The following ASIC4 variants were observed in gnomAD, a reference collection of about 807,000 sequenced individuals.
The protein encoded by ASIC4 is acid-sensing ion channel 4.
ASIC4 carries 28 observed loss-of-function variants against 53.4 expected under a neutral mutation model. That is an observed-to-expected ratio of 0.52 (90% CI 0.39 to 0.72). ASIC4 has a LOEUF of 0.72. Among genes scored for constraint, ASIC4 ranks in the 30% least tolerant of loss-of-function variants. ASIC4 has a pLI of 0.00. For synonymous variants in ASIC4, 289 were observed against 301.4 expected, an observed-to-expected ratio of 0.96 and a Z score of 0.43; for missense variants, 649 against 729.7, an observed-to-expected ratio of 0.89 and a Z score of 1.27.
At chr2:219,509,196 A>T (rs988638566), upstream of ASIC4, among the ~76,000 whole-genome samples, 1 of 152,024 alleles carries the variant, frequency 6.6e-6, no homozygotes, top group East Asian at 1.9e-4. This position sits in a 1 kb window ranked among gnomAD's most constrained non-coding sequence, Gnocchi z 5.2. Context: ...CTTAGCAGCC[A>T]TTATCGGGGG....
At chr2:219,531,577 G>T (rs1256839550) in intron 1 of ASIC4, among the ~76,000 whole-genome samples, 181 bp from the exon 2 acceptor site, 1 of 152,224 alleles carries the variant, frequency 6.6e-6, no homozygotes. Flanking sequence ...AATCATCTAA[G>T]GGAGGCCATC....
upstream of ASIC4, among the ~76,000 whole-genome samples, chr2:219,511,399 C>G (rs930209170): frequency 2.0e-5 from 3 of 151,190 alleles, no homozygotes; most frequent in Non-Finnish European, 3.0e-5. The surrounding 1 kb of genome is among the most constrained non-coding windows in gnomAD (Gnocchi z 5.3). Flanking sequence ...ACTGCCCCCC[C>G]CCCACATTCT....
At chr2:219,513,186 C>T (rs539860371), upstream of ASIC4, among the ~76,000 whole-genome samples, 118 of 152,258 alleles carry the variant, frequency 7.7e-4, no homozygotes, top group Non-Finnish European at 1.1e-3. Flanking sequence ...TCCCCCCGCC[C>T]GTCCACGCTT....
rs1470298845 is a variant in ASIC4, at chr2:219,532,733, C to T, written c.1019-150C>T. 12 of 874,274 alleles carry T rather than the reference C, an allele frequency of 1.4e-5. No homozygotes were observed. In the East Asian group the frequency reaches 1.5e-4, roughly 11 times the overall value. The allele number at this position is 874,274 out of a possible 1,614,324, so 54.2% of individuals were successfully genotyped here. A position where few individuals can be genotyped will look rare whatever the true frequency, so the allele number is the denominator to read the frequency against. Reference sequence around the variant, plus strand: ...GCATGCTCATTTATATCCGTGGTTGCGTATTTGTGGGGGTTGTGTGTGTGG... The same window carrying T: ...GCATGCTCATTTATATCCGTGGTTGTGTATTTGTGGGGGTTGTGTGTGTGG... On this transcript the variant is annotated intron_variant, in intron 4 of 9. Transcript: ENST00000358078.
Position 219,514,836 on chromosome 2 carries a change from GC to G in ASIC4, c.118del (p.Arg40GlufsTer54). The G allele has an allele frequency of 6.2e-7, 1 of 1,613,210 alleles. No homozygotes were observed. The highest frequency in any genetic ancestry group is 8.5e-7 in the Non-Finnish European group (1 of 1,179,932). On this transcript the variant is annotated frameshift_variant, in exon 1 of 10. Transcript: ENST00000358078. LOFTEE classifies it high-confidence loss of function. ...CCTCGGGGCTGTTGCCCCTGGAGCAGCCCCCCGAGACCTGGCCACCTTTGCC... is the reference window on the plus strand; with the variant it reads ...CCTCGGGGCTGTTGCCCCTGGAGCAGCCCCCGAGACCTGGCCACCTTTGCC... ...SLLGAVAPGA[A>X]PRDLATFAST...
At chr2:219,522,690 A>T (rs1279375656) in intron 1 of ASIC4, among the ~76,000 whole-genome samples, 2 of 151,962 alleles carry the variant, frequency 1.3e-5, no homozygotes, top group Admixed American at 6.5e-5. Flanking sequence ...AGCCAGGCCC[A>T]GCTCCGCATC....
chr2:219,538,240 C>T lies in ASIC4; in HGVS notation c.*194C>T. 2 of 596,448 alleles carry T rather than the reference C, an allele frequency of 3.4e-6. No homozygotes were observed. Among genetic ancestry groups the T allele is most frequent in the Non-Finnish European group, 5.9e-6 (2 of 336,852 alleles). The allele number at this position is 596,448 out of a possible 1,614,324, so 36.9% of individuals were successfully genotyped here. ...TCCTTCTTGTCCACACCCCTTATCC[C>T]CAGGCTGGTGCCCCGGGAGGGCTGG... On this transcript the variant is annotated 3_prime_UTR_variant, in exon 10 of 10. Coordinates refer to ENST00000358078, the MANE Select transcript of ASIC4 (RefSeq NM_018674.6).
In ASIC4 at chr2:219,536,324, G is replaced by T. The variant is rs1185366646; in HGVS notation, c.1230-742G>T. On this transcript the variant is annotated intron_variant, in intron 6 of 9. Transcript: ENST00000358078. The surrounding 1 kb of genome is among the most constrained non-coding windows in gnomAD (Gnocchi z 4.6). ...CCTGCAGGGGGAGGCAGGAGGGACCGCCCTGAGGCTTGGGTCTGGTCCCCT... is the reference window on the plus strand; with the variant it reads ...CCTGCAGGGGGAGGCAGGAGGGACCTCCCTGAGGCTTGGGTCTGGTCCCCT... Among the ~76,000 whole-genome samples, 1 of 152,252 alleles carries T rather than the reference G, an allele frequency of 6.6e-6. No homozygotes were observed. The highest frequency in any genetic ancestry group is 2.4e-5 in the African/African-American group (1 of 41,466).
At position 219,536,074 on chromosome 2, in the gene ASIC4, C is replaced by T. The variant is rs1274439866; in HGVS notation, c.1229+750C>T. ...AGGTGTGAGCCACCTTGCCTGGCCACAGCCCTTCTCTTCTAAGTAGCCCCA... is the reference window on the plus strand; with the variant it reads ...AGGTGTGAGCCACCTTGCCTGGCCATAGCCCTTCTCTTCTAAGTAGCCCCA... On this transcript the variant is annotated intron_variant, in intron 6 of 9. Transcript: ENST00000358078. The surrounding 1 kb of genome is among the most constrained non-coding windows in gnomAD (Gnocchi z 4.6). Among the ~76,000 whole-genome samples the T allele has an allele frequency of 6.6e-6, 1 of 152,184 alleles. No individual in the cohort carries two copies. The highest frequency in any genetic ancestry group is 2.1e-4 in the South Asian group (1 of 4,826).
chr2:219,532,185 G>C (rs774414742), intron 3 of ASIC4, 57 bp downstream of exon 3: 12 of 1,608,732 alleles, frequency 7.5e-6, no homozygotes, highest in Non-Finnish European at 9.4e-6. Context: ...TGGGCTCAGA[G>C]GGGATGTGGA....
At chr2:219,522,277 C>T (rs898641915) in intron 1 of ASIC4, among the ~76,000 whole-genome samples, 2 of 151,496 alleles carry the variant, frequency 1.3e-5, no homozygotes, top group African/African-American at 4.9e-5. Flanking sequence ...GAGCTAAATC[C>T]GTGGCGCTTG....
chr2:219,515,904 T>A (rs1694780651), intron 1 of ASIC4, among the ~76,000 whole-genome samples: 1 of 152,116 alleles, frequency 6.6e-6, no homozygotes, highest in African/African-American at 2.4e-5. Context: ...CCCTCACACA[T>A]CCCTCTTTCA....
chr2:219,531,735 T>C (rs774769602), intron 1 of ASIC4, 23 bp from the exon 2 acceptor site: 3 of 1,553,230 alleles, frequency 1.9e-6, no homozygotes, highest in Non-Finnish European at 2.6e-6. Flanking sequence ...TCTCCCCTCC[T>C]GCTCTCTCAC....
the ASIC4 span, among the ~76,000 whole-genome samples, chr2:219,508,676 T>C: frequency 6.6e-6 from 1 of 151,782 alleles, no homozygotes; most frequent in African/African-American, 2.4e-5. Context: ...CTGGACGGGG[T>C]GCAGGGGGCC....
At chr2:219,511,376 C>G (rs978018178), upstream of ASIC4, among the ~76,000 whole-genome samples, 7 of 151,188 alleles carry the variant, frequency 4.6e-5, no homozygotes, top group Admixed American at 2.0e-4. This position sits in a 1 kb window ranked among gnomAD's most constrained non-coding sequence, Gnocchi z 5.3. Context: ...TGTCTCTCCC[C>G]CCGACTGCAT....
chr2:219,509,971 G>A (rs2125648001), upstream of ASIC4, among the ~76,000 whole-genome samples: 1 of 151,980 alleles, frequency 6.6e-6, no homozygotes, highest in African/African-American at 2.4e-5. The surrounding 1 kb of genome is among the most constrained non-coding windows in gnomAD (Gnocchi z 5.2). Context: ...GCGTCCCTCT[G>A]CTGCCCCTGA....
rs1694810755 is a variant in ASIC4 at position 219,517,291 on chromosome 2, A to T, written c.582+1985A>T. On this transcript the variant is annotated intron_variant, in intron 1 of 9. Transcript: ENST00000358078. The surrounding 1 kb of genome is among the most constrained non-coding windows in gnomAD (Gnocchi z 4.2). The stretch of plus-strand genomic sequence containing the variant: ...CTGGTGAGTCCCCGGAATCCTGGGG[A>T]TGGCCTGGAGGAGTGTGGGTGGATT... The T allele has an allele frequency of 6.6e-6, 1 of 152,210 alleles. No homozygotes were observed. The highest frequency in any genetic ancestry group is 2.4e-5 in the African/African-American group (1 of 41,396). The allele number at this position is 152,210 out of a possible 1,614,324, so 9.4% of individuals were successfully genotyped here. A position where few individuals can be genotyped will look rare whatever the true frequency, so the allele number is the denominator to read the frequency against.
At chr2:219,509,332 G>T (rs1394555232), upstream of ASIC4, among the ~76,000 whole-genome samples, 1 of 152,030 alleles carries the variant, frequency 6.6e-6, no homozygotes, top group Non-Finnish European at 1.5e-5. The surrounding 1 kb of genome is among the most constrained non-coding windows in gnomAD (Gnocchi z 5.2). Context: ...CACAAAGGGG[G>T]TGGAAAGGGG....
chr2:219,525,282 CCT>C (rs1394734757), intron 1 of ASIC4, among the ~76,000 whole-genome samples: 2 of 152,248 alleles, frequency 1.3e-5, no homozygotes, highest in Non-Finnish European at 2.9e-5. Context: ...TCACATACTT[CCT>C]CTCTTTTGAG....
Sources: allele counts gnomAD v4.1 joint callset (sites outside exome capture counted in the v4.1 genomes callset), GRCh38; gene constraint gnomAD v4.1.1; non-coding constraint Gnocchi (gnomAD v3.1); transcripts MANE v1.5; gene names NCBI Gene and HGNC (gene_info 2026-07-23, HGNC 2026-07-21).